NKAIN2: variants seen among roughly 807,000 people sequenced by gnomAD.
NKAIN2 encodes the protein sodium/potassium-transporting ATPase subunit beta-1-interacting protein 2.
In NKAIN2, 14 loss-of-function variants were observed where a neutral mutation model predicts 32.6. That is an observed-to-expected ratio of 0.43 (90% CI 0.28 to 0.67). NKAIN2 has a LOEUF of 0.67. NKAIN2 is among the 30% of genes least tolerant of loss of function. The pLI is 0.17. For synonymous variants in NKAIN2, 80 were observed against 87.2 expected (o/e 0.92, Z 0.46); for missense variants, 198 against 258.3 (o/e 0.77, Z 1.60).
At chr6:124,439,352 CTTG>C (rs1232335849) in intron 3 of NKAIN2, among the ~76,000 whole-genome samples, 37 of 135,654 alleles carry the variant, frequency 2.7e-4, no homozygotes, top group Non-Finnish European at 4.2e-4. Flanking sequence ...AATCTATCCA[CTTG>C]TTGTTTTTTT....
At chr6:124,595,746 A>T (rs1782061627) in intron 3 of NKAIN2, among the ~76,000 whole-genome samples, 1 of 152,194 alleles carries the variant, frequency 6.6e-6, no homozygotes, top group Non-Finnish European at 1.5e-5. Flanking sequence ...TTACTTATTG[A>T]GATATTCTCC....
chr6:124,595,600 A>C (rs1217619534), intron 3 of NKAIN2, among the ~76,000 whole-genome samples: 1 of 152,208 alleles, frequency 6.6e-6, no homozygotes, highest in Non-Finnish European at 1.5e-5. Context: ...GAACTTGTTG[A>C]AATTATTTTT....
chr6:124,719,005 A>G (rs909264240), intron 4 of NKAIN2, among the ~76,000 whole-genome samples: 2 of 152,236 alleles, frequency 1.3e-5, no homozygotes, highest in Admixed American at 1.3e-4. Flanking sequence ...TGACTAGTAA[A>G]GAAGACTTAA....
chr6:124,011,159 G>A (rs574098425), intron 1 of NKAIN2, among the ~76,000 whole-genome samples: 1 of 152,096 alleles, frequency 6.6e-6, no homozygotes, highest in Admixed American at 6.6e-5. Context: ...CTTCTTTCTG[G>A]CCACTATTAG....
intron 4 of NKAIN2, among the ~76,000 whole-genome samples, chr6:124,752,538 GGTATGTGT>G: frequency 6.6e-6 from 1 of 151,006 alleles, no homozygotes; most frequent in South Asian, 2.1e-4. Flanking sequence ...TGTATATGTG[GGTATGTGT>G]GTGTGTGTGT....
chr6:124,248,579 G>A (rs1273746574), intron 1 of NKAIN2, among the ~76,000 whole-genome samples: 4 of 151,902 alleles, frequency 2.6e-5, no homozygotes, highest in Non-Finnish European at 5.9e-5. Flanking sequence ...TCCTTAGTCT[G>A]TGCTGTACTT....
intron 1 of NKAIN2, among the ~76,000 whole-genome samples, chr6:124,175,607 C>T (rs1789115762): frequency 6.6e-6 from 1 of 152,084 alleles, no homozygotes; most frequent in South Asian, 2.1e-4. Context: ...TTAGTAGATA[C>T]ATCTATTGTT....
chr6:124,749,086 GTTCT>G (rs1483244624), intron 4 of NKAIN2, among the ~76,000 whole-genome samples: 1 of 151,852 alleles, frequency 6.6e-6, no homozygotes, highest in Non-Finnish European at 1.5e-5. Context: ...AAAGAATTCA[GTTCT>G]TTGAGGTTGT....
intron 1 of NKAIN2, among the ~76,000 whole-genome samples, chr6:124,095,508 G>A (rs1223691647): frequency 6.6e-6 from 1 of 152,110 alleles, no homozygotes; most frequent in Non-Finnish European, 1.5e-5. Flanking sequence ...TGTCTGTGTA[G>A]AGAATTATTT....
At chr6:124,467,267 A>G (rs1325825835) in intron 3 of NKAIN2, among the ~76,000 whole-genome samples, 1 of 152,022 alleles carries the variant, frequency 6.6e-6, no homozygotes, top group Non-Finnish European at 1.5e-5. Flanking sequence ...GTAAATTACC[A>G]CTCTTCTTCT....
At chr6:124,107,112 TG>T (rs1490023105) in intron 1 of NKAIN2, among the ~76,000 whole-genome samples, 1 of 151,924 alleles carries the variant, frequency 6.6e-6, no homozygotes, top group Non-Finnish European at 1.5e-5. Flanking sequence ...TTTAGATATA[TG>T]GGGGAAGAGC....
chr6:124,407,168 T>C (rs1033831634), intron 3 of NKAIN2, among the ~76,000 whole-genome samples: 2 of 152,130 alleles, frequency 1.3e-5, no homozygotes, highest in Non-Finnish European at 2.9e-5. Flanking sequence ...AGGATTTACA[T>C]TTAGGTTTAT....
intron 1 of NKAIN2, among the ~76,000 whole-genome samples, chr6:123,855,519 T>G (rs1421203040): frequency 6.6e-6 from 1 of 152,216 alleles, no homozygotes; most frequent in Non-Finnish European, 1.5e-5. Context: ...TAGTACTGAT[T>G]CTTTGTGGTT....
chr6:124,389,035 A>G (rs1443502054), intron 3 of NKAIN2, among the ~76,000 whole-genome samples: 2 of 152,118 alleles, frequency 1.3e-5, no homozygotes, highest in Admixed American at 6.6e-5. Context: ...AATAAATAAT[A>G]TGTATTAAAT....
intron 4 of NKAIN2, among the ~76,000 whole-genome samples, chr6:124,671,144 G>A (rs978785834): frequency 4.6e-5 from 7 of 152,064 alleles, no homozygotes; most frequent in African/African-American, 1.7e-4. Context: ...GGTTTGAGAA[G>A]AGAGGGAGGA....
chr6:124,656,763 C>G (rs1245505307), intron 3 of NKAIN2, among the ~76,000 whole-genome samples: 1 of 152,160 alleles, frequency 6.6e-6, no homozygotes, highest in African/African-American at 2.4e-5. Context: ...TTAGCTCTCT[C>G]TCATGACAGC....
chr6:124,006,739 G>A (rs570743861), intron 1 of NKAIN2, among the ~76,000 whole-genome samples: 2 of 152,262 alleles, frequency 1.3e-5, no homozygotes, highest in East Asian at 3.9e-4. Flanking sequence ...GTTGTTTGCA[G>A]AAACCTGACT....
At chr6:124,563,659 T>C (rs927880565) in intron 3 of NKAIN2, among the ~76,000 whole-genome samples, 3 of 152,114 alleles carry the variant, frequency 2.0e-5, no homozygotes, top group African/African-American at 7.2e-5. Flanking sequence ...AGTAGGAGTA[T>C]TTGATTGTTT....
intron 1 of NKAIN2, among the ~76,000 whole-genome samples, chr6:123,923,709 C>G (rs1442570472): frequency 1.4e-5 from 2 of 146,172 alleles, no homozygotes; most frequent in African/African-American, 5.1e-5. Flanking sequence ...CCAAACACCG[C>G]ATATTCTCAC....
Sources: gnomAD v4.1 joint callset for allele counts (sites outside exome capture counted in the v4.1 genomes callset) on GRCh38, gnomAD v4.1.1 for gene constraint, MANE v1.5 for transcripts, NCBI Gene and HGNC (gene_info 2026-07-23, HGNC 2026-07-21) for gene names.